The following LYPLAL1 variants were observed in gnomAD, a reference collection of about 807,000 sequenced individuals.
The protein encoded by LYPLAL1 is lysophospholipase like 1.
LYPLAL1 carries 23 observed loss-of-function variants against 19.7 expected under a neutral mutation model. The ratio of observed to expected loss-of-function variants is 1.17; its 90% CI spans 0.84 to 1.65. LYPLAL1 has a LOEUF of 1.65. Ranked by LOEUF, LYPLAL1 falls within the 40% of genes most tolerant of loss-of-function variation. LYPLAL1 has a pLI of 0.00. For synonymous variants in LYPLAL1, 119 were observed against 96.3 expected, an observed-to-expected ratio of 1.24 and a Z score of -1.38; for missense variants, 355 against 279.4, an observed-to-expected ratio of 1.27 and a Z score of -1.93.
chr1:219,267,568 C>A, the LYPLAL1 span, among the ~76,000 whole-genome samples: 1 of 152,216 alleles, frequency 6.6e-6, no homozygotes. Flanking sequence ...AAATGCCTCT[C>A]ACATTTCAGG....
At chr1:219,208,941 A>G (rs1658783945) in intron 3 of LYPLAL1, among the ~76,000 whole-genome samples, 1 of 152,148 alleles carries the variant, frequency 6.6e-6, no homozygotes, top group Non-Finnish European at 1.5e-5. Context: ...GGACATGTCA[A>G]AGATTTATTA....
At chr1:219,391,274 G>A in the LYPLAL1 span, among the ~76,000 whole-genome samples, 48 of 152,084 alleles carry the variant, frequency 3.2e-4, no homozygotes, top group Admixed American at 3.1e-3. Flanking sequence ...CTCATTTTGT[G>A]ACCTGAGAAC....
the LYPLAL1 span, among the ~76,000 whole-genome samples, chr1:219,241,117 T>TCC: frequency 1.0e-5 from 1 of 95,306 alleles, no homozygotes; most frequent in African/African-American, 3.5e-5. Flanking sequence ...TCTCTCTCTC[T>TCC]CTCTCTCTCT....
At chr1:219,381,113 A>C in the LYPLAL1 span, among the ~76,000 whole-genome samples, 1 of 152,150 alleles carries the variant, frequency 6.6e-6, no homozygotes, top group East Asian at 1.9e-4. Flanking sequence ...CCCACGCATC[A>C]TGAGAGGGAC....
the LYPLAL1 span, among the ~76,000 whole-genome samples, chr1:219,249,805 A>C: frequency 1.3e-5 from 2 of 151,876 alleles, no homozygotes; most frequent in East Asian, 3.9e-4. Context: ...CTGAACACTT[A>C]TTTGCGTGTT....
At chr1:219,306,811 T>TAGATATAG in the LYPLAL1 span, among the ~76,000 whole-genome samples, 3 of 132,488 alleles carry the variant, frequency 2.3e-5, no homozygotes, top group African/African-American at 9.0e-5. Flanking sequence ...CATAGATAGA[T>TAGATATAG]ATAGATAGAT....
At chr1:219,440,024 C>CACAT in the LYPLAL1 span, among the ~76,000 whole-genome samples, 40 of 132,372 alleles carry the variant, frequency 3.0e-4, no homozygotes, top group East Asian at 6.8e-4. Context: ...CACACACACA[C>CACAT]ATATATATAT....
the LYPLAL1 span, among the ~76,000 whole-genome samples, chr1:219,315,228 T>C: frequency 1.3e-5 from 2 of 152,210 alleles, no homozygotes; most frequent in South Asian, 2.1e-4. Context: ...GTTAAGACGA[T>C]GTGCAAAAGC....
chr1:219,372,382 T>G, the LYPLAL1 span, among the ~76,000 whole-genome samples: 1 of 152,184 alleles, frequency 6.6e-6, no homozygotes, highest in African/African-American at 2.4e-5. Flanking sequence ...AAAATCATGT[T>G]CAGTTTTCTC....
chr1:219,186,925 A>G (rs985173870), intron 2 of LYPLAL1, among the ~76,000 whole-genome samples: 1 of 151,282 alleles, frequency 6.6e-6, no homozygotes, highest in African/African-American at 2.4e-5. Context: ...CACACTTTCT[A>G]TTGAATTATT....
At chr1:219,280,291 G>T in the LYPLAL1 span, among the ~76,000 whole-genome samples, 1 of 152,096 alleles carries the variant, frequency 6.6e-6, no homozygotes, top group Non-Finnish European at 1.5e-5. Context: ...GTTTTTTGAT[G>T]CCTAAAGAAG....
the LYPLAL1 span, among the ~76,000 whole-genome samples, chr1:219,392,462 A>C: frequency 6.6e-6 from 1 of 152,178 alleles, no homozygotes; most frequent in African/African-American, 2.4e-5. Flanking sequence ...TGGTGTAAGA[A>C]AAGTCATTAG....
downstream of LYPLAL1, among the ~76,000 whole-genome samples, chr1:219,216,055 A>G (rs1297691251): frequency 6.6e-6 from 1 of 152,024 alleles, no homozygotes; most frequent in Non-Finnish European, 1.5e-5. Context: ...GAAATACTTC[A>G]TGAAGTTCAT....
At chr1:219,256,582 T>C in the LYPLAL1 span, among the ~76,000 whole-genome samples, 1 of 151,980 alleles carries the variant, frequency 6.6e-6, no homozygotes, top group Non-Finnish European at 1.5e-5. Context: ...CTTTAGTTTT[T>C]ATATTTTATT....
At chr1:219,276,403 A>G in the LYPLAL1 span, among the ~76,000 whole-genome samples, 3 of 152,200 alleles carry the variant, frequency 2.0e-5, no homozygotes, top group Non-Finnish European at 4.4e-5. Context: ...CAATTTTTAC[A>G]TTTACAGTGG....
chr1:219,334,810 A>G, the LYPLAL1 span, among the ~76,000 whole-genome samples: 2 of 151,816 alleles, frequency 1.3e-5, no homozygotes, highest in Non-Finnish European at 2.9e-5. Flanking sequence ...TGCATACCTT[A>G]CCTTAGACTT....
the LYPLAL1 span, among the ~76,000 whole-genome samples, chr1:219,327,392 A>G: frequency 2.0e-5 from 3 of 152,172 alleles, no homozygotes; most frequent in East Asian, 3.9e-4. Context: ...GCAAATGAAG[A>G]CAAGAAGAAT....
At chr1:219,360,359 C>T in the LYPLAL1 span, among the ~76,000 whole-genome samples, 1 of 152,050 alleles carries the variant, frequency 6.6e-6, no homozygotes, top group Non-Finnish European at 1.5e-5. Flanking sequence ...TGGAGGTTGC[C>T]ATAGTTCTCT....
At chr1:219,436,070 C>T in the LYPLAL1 span, among the ~76,000 whole-genome samples, 1 of 152,148 alleles carries the variant, frequency 6.6e-6, no homozygotes, top group Non-Finnish European at 1.5e-5. Flanking sequence ...ACACACTAGC[C>T]CGTACACCCA....
Sources: allele counts gnomAD v4.1 joint callset (sites outside exome capture counted in the v4.1 genomes callset), GRCh38; gene constraint gnomAD v4.1.1; transcripts MANE v1.5; gene names NCBI Gene and HGNC (gene_info 2026-07-23, HGNC 2026-07-21).